The following IGF2BP1 variants were observed in gnomAD, a reference collection of about 807,000 sequenced individuals.
IGF2BP1 encodes the protein insulin like growth factor 2 mRNA binding protein 1.
In IGF2BP1, 11 loss-of-function variants were observed where a neutral mutation model predicts 74.9. The observed-to-expected ratio is 0.15, with a 90% CI of 0.09 to 0.24. IGF2BP1 has a LOEUF of 0.24. Among genes scored for constraint, IGF2BP1 ranks in the 10% least tolerant of loss-of-function variants. The pLI, the probability that IGF2BP1 is intolerant of heterozygous loss-of-function variation, is 1.00. For synonymous variants in IGF2BP1, 287 were observed against 281.8 expected (o/e 1.02, Z -0.18); for missense variants, 440 against 757.4 (o/e 0.58, Z 4.92).
chr17:49,015,658 A>G (rs1339649872), intron 2 of IGF2BP1, among the ~76,000 whole-genome samples: 1 of 152,170 alleles, frequency 6.6e-6, no homozygotes, highest in Non-Finnish European at 1.5e-5. Context: ...GTGCTTCCAC[A>G]TGACCACTTC....
chr17:49,014,827 C>A (rs2041673673), intron 2 of IGF2BP1: 3 of 985,378 alleles, frequency 3.0e-6, no homozygotes, highest in African/African-American at 3.5e-5. Context: ...GGGTCCTTCT[C>A]ATGGTGCGGT....
chr17:49,042,351 T>C lies in IGF2BP1; in HGVS notation c.1051T>C (p.Tyr351His). The change falls in exon 9 of 15, where the codon TAT becomes CAT. Residue 351 changes from tyrosine (Y) to histidine (H), a missense_variant. Physicochemically the swap from Tyr to His is moderately conservative, Grantham distance 83. Transcript: ENST00000290341. ...QEIMKKVREA[Y>H]ENDVAAMSLQ... The stretch of plus-strand genomic sequence containing the variant: ...AATAATGAAGAAAGTTCGGGAGGCC[T>C]ATGAGAATGATGTGGCTGCCATGAG... 1 of 1,614,050 alleles carries C rather than the reference T, an allele frequency of 6.2e-7. No individual in the cohort carries two copies. Among genetic ancestry groups the C allele is most frequent in the Non-Finnish European group, 8.5e-7 (1 of 1,180,014 alleles).
chr17:49,043,282 G>T, intron 9 of IGF2BP1, 146 bp from the exon 10 acceptor site: 1 of 902,388 alleles, frequency 1.1e-6, no homozygotes, highest in Non-Finnish European at 1.7e-6. Context: ...TGTATGAAAA[G>T]CACAGAATAG....
chr17:49,008,172 CA>C (rs78718299), intron 2 of IGF2BP1, among the ~76,000 whole-genome samples: 2,710 of 90,120 alleles, frequency 0.03, 55 homozygotes, highest in African/African-American at 0.071. Flanking sequence ...AATTCCATCT[CA>C]AAAAAAAAAA....
intron 14 of IGF2BP1, among the ~76,000 whole-genome samples, chr17:49,047,213 C>T (rs2042116448): frequency 6.6e-6 from 1 of 152,088 alleles, no homozygotes; most frequent in South Asian, 2.1e-4. Flanking sequence ...ATCCAGGGAG[C>T]TTTGACCTCA....
At chr17:49,007,383 C>G (rs1322796349) in intron 2 of IGF2BP1, among the ~76,000 whole-genome samples, 1 of 152,206 alleles carries the variant, frequency 6.6e-6, no homozygotes, top group Non-Finnish European at 1.5e-5. Context: ...ATGCCCACTT[C>G]TTCATTTCAG....
intron 2 of IGF2BP1, among the ~76,000 whole-genome samples, chr17:49,020,085 G>A (rs903689284): frequency 1.4e-5 from 2 of 144,814 alleles, no homozygotes; most frequent in South Asian, 4.5e-4. Context: ...ACAGAGTCAT[G>A]CTATGTCACC....
rs140483006 is a variant in IGF2BP1, at chr17:49,043,424, C to T, written c.1078-4C>T. 2.9e-3 allele frequency: 4,666 copies of T among 1,613,730 alleles called. 13 individuals are homozygous for T. Among genetic ancestry groups the T allele is most frequent in the Non-Finnish European group, 3.5e-3 (4,169 of 1,179,932 alleles). The stretch of plus-strand genomic sequence containing the variant: ...GACTCTTCCTCCTCATCTTTCTTCC[C>T]CAGCTGCAGTCTCACCTGATCCCTG... On this transcript the variant is annotated splice_region_variant and splice_polypyrimidine_tract_variant and intron_variant, in intron 9 of 14. Transcript: ENST00000290341.
chr17:48,998,827 G>A (rs2041443873), intron 1 of IGF2BP1, among the ~76,000 whole-genome samples: 1 of 152,120 alleles, frequency 6.6e-6, no homozygotes, highest in Admixed American at 6.5e-5. Flanking sequence ...CACACAAATG[G>A]CCTCGCACCT....
chr17:49,022,426 C>G (rs998508843), intron 2 of IGF2BP1, among the ~76,000 whole-genome samples: 4 of 152,158 alleles, frequency 2.6e-5, no homozygotes, highest in African/African-American at 7.2e-5. Flanking sequence ...CCGCCCCTCC[C>G]GCTGTTGTGT....
chr17:49,000,085 A>T (rs1022735041), intron 2 of IGF2BP1, among the ~76,000 whole-genome samples: 3 of 151,554 alleles, frequency 2.0e-5, no homozygotes, highest in Non-Finnish European at 4.4e-5. Context: ...CTTTCCTTGA[A>T]CTCTGGCTGG....
chr17:49,026,293 T>C, intron 3 of IGF2BP1, 173 bp from the exon 4 acceptor site: 1 of 582,552 alleles, frequency 1.7e-6, no homozygotes, highest in South Asian at 2.2e-5. Context: ...CCTGCAAAGA[T>C]ACCCCATCAG....
In IGF2BP1 at chr17:49,054,693, G is replaced by T. The variant is rs2042204976; in HGVS notation, c.*5249G>T. The T allele has an allele frequency of 6.6e-6, 1 of 152,460 alleles. No homozygotes were observed. Among genetic ancestry groups the T allele is most frequent in the Admixed American group, 6.5e-5 (1 of 15,282 alleles). The allele number at this position is 152,460 out of a possible 1,614,324, so 9.4% of individuals were successfully genotyped here. On this transcript the variant is annotated 3_prime_UTR_variant, in exon 15 of 15. Transcript: ENST00000290341. ...GGGGGCTGGCTGGAGTGAGACCTGG[G>T]GCTTGGCCTGGAACCCACCACACAG...
intron 9 of IGF2BP1, among the ~76,000 whole-genome samples, chr17:49,043,059 A>G (rs549753380): frequency 6.6e-6 from 1 of 152,238 alleles, no homozygotes; most frequent in Admixed American, 6.5e-5. Context: ...TAGAAGTCCA[A>G]TGGAGCTCTG....
At chr17:49,028,766 G>A (rs540144008) in intron 4 of IGF2BP1, among the ~76,000 whole-genome samples, 1 of 152,300 alleles carries the variant, frequency 6.6e-6, no homozygotes, top group East Asian at 1.9e-4. Context: ...CTTTGTGAGT[G>A]AGGTCCATTC....
chr17:49,026,086 C>T (rs1367738294), intron 3 of IGF2BP1, among the ~76,000 whole-genome samples: 4 of 152,072 alleles, frequency 2.6e-5, no homozygotes, highest in African/African-American at 4.8e-5. Flanking sequence ...AACGCCTGAC[C>T]TCAAGTGAGC....
At chr17:49,029,977 A>G (rs2041903843) in intron 4 of IGF2BP1, among the ~76,000 whole-genome samples, 1 of 151,564 alleles carries the variant, frequency 6.6e-6, no homozygotes, top group Admixed American at 6.6e-5. Context: ...TTGCCAAACC[A>G]TTTTCCTAGT....
In IGF2BP1 at chr17:48,997,831, A is replaced by G. The variant is rs746334059; in HGVS notation, c.86A>G (p.Tyr29Cys). ...GTGTTTGCGGAGCACAAGATCTCCT[A>G]CAGCGGCCAGTTCTTGGTCAAATCC... ...EKVFAEHKIS[Y>C]SGQFLVKSGY... The change falls in exon 1 of 15, where the codon TAC becomes TGC. Residue 29 changes from tyrosine (Y) to cysteine (C), a missense_variant. Physicochemically the swap from Tyr to Cys is radical, Grantham distance 194. This residue lies in a region of IGF2BP1 where 105 missense variants were observed against 199.4 expected (regional missense o/e 0.53). Transcript: ENST00000290341. The surrounding 1 kb of genome is among the most constrained non-coding windows in gnomAD (Gnocchi z 4.8). The G allele has an allele frequency of 6.2e-7, 1 of 1,614,138 alleles. No homozygotes were observed. Among genetic ancestry groups the G allele is most frequent in the East Asian group, 2.2e-5 (1 of 44,856 alleles).
chr17:48,999,961 TGTTC>T lies in IGF2BP1; in HGVS notation c.236+795_236+798del, dbSNP rs1555594004. Among the ~76,000 whole-genome samples, 20 of 150,102 alleles carry T rather than the reference TGTTC, an allele frequency of 1.3e-4. No individual in the cohort carries two copies. In the South Asian group the frequency reaches 2.5e-3, roughly 19 times the overall value. On this transcript the variant is annotated intron_variant, in intron 2 of 14. Transcript: ENST00000290341. ...GTGTGTGTGTGTGTGTGTGTGTGTG[TGTTC>T]GTGTGTGTTCCAATACCCTCTATCC... is the stretch of plus-strand genomic sequence containing the variant.
Sources: allele counts gnomAD v4.1 joint callset (sites outside exome capture counted in the v4.1 genomes callset), GRCh38; gene constraint gnomAD v4.1.1; regional missense constraint gnomAD v4.1.1; non-coding constraint Gnocchi (gnomAD v3.1); transcripts MANE v1.5; gene names NCBI Gene and HGNC (gene_info 2026-07-23, HGNC 2026-07-21).